Variants in AR observed in about 807,000 individuals in gnomAD.
AR encodes dihydrotestosterone receptor.
A neutral mutation model predicts 53.9 loss-of-function variants in AR; 8 were observed. The observed-to-expected ratio is 0.15, with a 90% CI of 0.09 to 0.27. The LOEUF is 0.27. Ranked by LOEUF, AR falls within the 10% of genes least tolerant of loss-of-function variation. AR has a pLI of 1.00. For missense variants in AR, 639 were observed against 742.5 expected (o/e 0.86, Z 1.62); for synonymous variants, 359 against 316.4 (o/e 1.13, Z -1.43).
intron 4 of AR, among the ~76,000 whole-genome samples, chrX:67,716,343 G>A (rs1045691802): frequency 4.5e-5 from 5 of 112,031 alleles, no homozygotes; most frequent in Admixed American, 9.5e-5. Flanking sequence ...CCTTCTTCTT[G>A]GATGAGTTGG....
At chrX:67,565,943 T>C (rs936387488) in intron 1 of AR, among the ~76,000 whole-genome samples, 1 of 112,039 alleles carries the variant, frequency 8.9e-6, no homozygotes, top group South Asian at 3.7e-4. Flanking sequence ...TCCACCTCCA[T>C]TGGCCTTCCA....
At chrX:67,676,388 G>A (rs764814236) in intron 2 of AR, among the ~76,000 whole-genome samples, 3 of 112,320 alleles carry the variant, frequency 2.7e-5, no homozygotes, top group African/African-American at 9.7e-5. Context: ...ATAGTCTGTT[G>A]CAGAGATAAC....
intron 1 of AR, among the ~76,000 whole-genome samples, chrX:67,562,483 G>T (rs1921374863): frequency 9.1e-6 from 1 of 110,442 alleles, no homozygotes; most frequent in Non-Finnish European, 1.9e-5. Flanking sequence ...GGCAATACAG[G>T]ACTTTCATTC....
chrX:67,708,430 C>T (rs777733081), intron 3 of AR, among the ~76,000 whole-genome samples: 3 of 111,765 alleles, frequency 2.7e-5, no homozygotes, highest in African/African-American at 9.7e-5. Context: ...TCCAGTTGAT[C>T]GAATCAGCTA....
At chrX:67,706,445 A>G (rs1444711988) in intron 3 of AR, among the ~76,000 whole-genome samples, 2 of 111,871 alleles carry the variant, frequency 1.8e-5, no homozygotes, top group Non-Finnish European at 3.8e-5. Context: ...AGAGGTATTT[A>G]TAGTATTCTC....
chrX:67,569,730 T>C (rs1488028128), intron 1 of AR, among the ~76,000 whole-genome samples: 2 of 111,525 alleles, frequency 1.8e-5, no homozygotes, highest in Non-Finnish European at 3.8e-5. Flanking sequence ...GTATTACAGC[T>C]GTTTATTTCT....
chrX:67,569,116 A>G, intron 1 of AR: 1 of 1,008,400 alleles, frequency 9.9e-7, no homozygotes, highest in East Asian at 3.2e-5. Flanking sequence ...CGCAGCCATG[A>G]CATTATCTAT....
At chrX:67,699,910 C>T (rs1186105349) in intron 3 of AR, among the ~76,000 whole-genome samples, 1 of 111,277 alleles carries the variant, frequency 9.0e-6, no homozygotes, top group East Asian at 2.8e-4. Flanking sequence ...AGGTTAAGGA[C>T]GCTAAAGAAG....
chrX:67,553,419 T>C (rs1026409635), intron 1 of AR, among the ~76,000 whole-genome samples: 2 of 112,284 alleles, frequency 1.8e-5, no homozygotes, highest in East Asian at 5.6e-4. Flanking sequence ...TATATGTTTA[T>C]TCCTATGCCG....
chrX:67,718,222 G>C (rs773069965), intron 5 of AR, among the ~76,000 whole-genome samples: 1 of 111,446 alleles, frequency 9.0e-6, no homozygotes, highest in South Asian at 3.8e-4. Flanking sequence ...TGTCCCTGTC[G>C]ATCTCAGCTC....
In AR at chrX:67,728,609, A is replaced by AG; in HGVS notation, c.*4768_*4769insG. The AG allele has an allele frequency of 1.0e-5, 1 of 96,777 alleles. No individual in the cohort carries two copies. The highest frequency in any genetic ancestry group is 3.9e-5 in the African/African-American group (1 of 25,495). 8.0% of individuals were successfully genotyped at this position (96,777 alleles called of 1,213,427 possible). A position where few individuals can be genotyped will look rare whatever the true frequency, so the allele number is the denominator to read the frequency against. On this transcript the variant is annotated 3_prime_UTR_variant, in exon 8 of 8. Coordinates refer to ENST00000374690, the MANE Select transcript of AR (RefSeq NM_000044.6). ...TATATATATATATATATATATATATATATATAGTGTGTGTGTGTGTTCTGA... is the reference window on the plus strand; with the variant it reads ...TATATATATATATATATATATATATAGTATATAGTGTGTGTGTGTGTTCTGA...
Position 67,587,027 on chromosome X carries a change from T to A in AR, c.1616+40265T>A, listed in dbSNP as rs779967260. 4.4e-5 allele frequency among the ~76,000 whole-genome samples: 5 copies of A among 112,466 alleles called. No homozygotes were observed. The South Asian group carries it at 1.9e-3, about 42-fold the overall frequency. Reference sequence around the variant, plus strand: ...GAGATCTTTCCTTCCCATTGTCATATTTAATAATCAGGATAGCCCTATAAA... The same window carrying A: ...GAGATCTTTCCTTCCCATTGTCATAATTAATAATCAGGATAGCCCTATAAA... On this transcript the variant is annotated intron_variant, in intron 1 of 7. Coordinates refer to ENST00000374690, the MANE Select transcript of AR (RefSeq NM_000044.6).
intron 3 of AR, among the ~76,000 whole-genome samples, chrX:67,697,185 C>T (rs2076024346): frequency 9.0e-6 from 1 of 111,546 alleles, no homozygotes; most frequent in Non-Finnish European, 1.9e-5. Context: ...CAGGAACCCT[C>T]GAAAAAACTT....
At chrX:67,660,177 G>C (rs1421231400) in intron 2 of AR, among the ~76,000 whole-genome samples, 1 of 112,142 alleles carries the variant, frequency 8.9e-6, no homozygotes, top group Non-Finnish European at 1.9e-5. Context: ...TGTTCACTCT[G>C]ATGGTAGTTT....
chrX:67,674,183 C>T lies in AR; in HGVS notation c.1769-11827C>T, dbSNP rs757144546. Among the ~76,000 whole-genome samples the T allele has an allele frequency of 8.2e-5, 9 of 109,657 alleles. No homozygotes were observed. The East Asian group carries it at 2.0e-3, about 25-fold the overall frequency. On this transcript the variant is annotated intron_variant, in intron 2 of 7. Coordinates refer to ENST00000374690, the MANE Select transcript of AR (RefSeq NM_000044.6). Reference sequence around the variant, plus strand: ...AGTCTCTCTCTCTCTCTCTCTTTCTCTCTCTCTCTCTCCCTCTCATTCTCT... The same window carrying T: ...AGTCTCTCTCTCTCTCTCTCTTTCTTTCTCTCTCTCTCCCTCTCATTCTCT...
intron 1 of AR, among the ~76,000 whole-genome samples, chrX:67,575,623 CT>C (rs1486873760): frequency 8.9e-6 from 1 of 111,877 alleles, no homozygotes; most frequent in African/African-American, 3.2e-5. Context: ...AAGAGCTGTA[CT>C]CAGATACTGA....
At chrX:67,695,092 G>C in intron 3 of AR, 1 of 777,304 alleles carries the variant, frequency 1.3e-6, no homozygotes. Flanking sequence ...TGAAGCTCTG[G>C]CTCAGTCGCT....
At chrX:67,692,674 ATTG>A (rs749552762) in intron 3 of AR, among the ~76,000 whole-genome samples, 94 of 111,714 alleles carry the variant, frequency 8.4e-4, no homozygotes, top group African/African-American at 2.9e-3. Flanking sequence ...TTTTTACGGC[ATTG>A]TTGTAAGTAT....
intron 2 of AR, among the ~76,000 whole-genome samples, chrX:67,676,391 G>T (rs1276141172): frequency 1.8e-5 from 2 of 112,353 alleles, no homozygotes; most frequent in Admixed American, 9.4e-5. Flanking sequence ...GTCTGTTGCA[G>T]AGATAACCTC....
Sources: gnomAD v4.1 joint callset for allele counts (sites outside exome capture counted in the v4.1 genomes callset) on GRCh38, gnomAD v4.1.1 for gene constraint, MANE v1.5 for transcripts, NCBI Gene and HGNC (gene_info 2026-07-23, HGNC 2026-07-21) for gene names.